RIT2: variants seen among roughly 807,000 people sequenced by gnomAD.
RIT2 encodes the protein Ras like without CAAX 2.
RIT2 carries 24 observed loss-of-function variants against 23.7 expected under a neutral mutation model. The ratio of observed to expected loss-of-function variants is 1.01; its 90% CI spans 0.73 to 1.43. The LOEUF (loss-of-function observed/expected upper bound fraction) is 1.43, where lower values mean the gene tolerates loss of function less well. RIT2 is among the 40% of genes most tolerant of loss of function. The pLI is 0.00. For missense variants in RIT2, 236 were observed against 266.9 expected (o/e 0.88, Z 0.81); for synonymous variants, 107 against 91.1 (o/e 1.17, Z -0.99).
In RIT2 at chr18:42,919,919, T is replaced by C. The variant is rs966720274; in HGVS notation, c.426+3653A>G. On this transcript the variant is annotated intron_variant, in intron 4 of 4. Transcript: ENST00000326695. The stretch of plus-strand genomic sequence containing the variant: ...GAATAGGGACAAAGACCTTGGGAGC[T>C]CAAGGACCTAATGTTGTTCAGGAAT... Among the ~76,000 whole-genome samples, 3 of 152,104 alleles carry C rather than the reference T, an allele frequency of 2.0e-5. No homozygotes were observed. In the South Asian group the frequency reaches 6.2e-4, roughly 32 times the overall value.
chr18:42,933,265 A>G (rs1255013605), intron 3 of RIT2, among the ~76,000 whole-genome samples: 1 of 152,160 alleles, frequency 6.6e-6, no homozygotes, highest in Admixed American at 6.6e-5. Context: ...ATCCTAGATA[A>G]ATCTTTTAAG....
At chr18:42,948,975 T>C in intron 3 of RIT2, 1 of 397,572 alleles carries the variant, frequency 2.5e-6, no homozygotes, top group Non-Finnish European at 4.4e-6. Context: ...CTTCATTGGT[T>C]TTTCAACTTA....
At chr18:42,882,212 G>A (rs900063719) in intron 4 of RIT2, among the ~76,000 whole-genome samples, 2 of 152,176 alleles carry the variant, frequency 1.3e-5, no homozygotes, top group Non-Finnish European at 2.9e-5. Context: ...CTGAAGCACT[G>A]AAGATATCAA....
chr18:42,858,094 T>A (rs1598686383), intron 4 of RIT2, among the ~76,000 whole-genome samples: 1 of 152,078 alleles, frequency 6.6e-6, no homozygotes, highest in Non-Finnish European at 1.5e-5. Flanking sequence ...GGCAGGAGAA[T>A]TGCTTGAACC....
chr18:42,906,881 C>CCAACCGT (rs112156040), intron 4 of RIT2, among the ~76,000 whole-genome samples: 19 of 152,124 alleles, frequency 1.2e-4, no homozygotes, highest in African/African-American at 4.3e-4. Context: ...CCTAGACTAG[C>CCAACCGT]CAACCGTCCT....
chr18:42,774,419 C>T (rs781754538), intron 4 of RIT2, among the ~76,000 whole-genome samples: 2 of 152,070 alleles, frequency 1.3e-5, no homozygotes, highest in African/African-American at 4.8e-5. Flanking sequence ...GAATAGCATA[C>T]TCTCTCACTG....
intron 1 of RIT2, among the ~76,000 whole-genome samples, chr18:43,064,502 A>C (rs1422044919): frequency 6.6e-6 from 1 of 152,168 alleles, no homozygotes; most frequent in Non-Finnish European, 1.5e-5. Flanking sequence ...AAAGAGATGC[A>C]ATTTCAGACA....
chr18:42,828,042 A>C (rs1906353391), intron 4 of RIT2, among the ~76,000 whole-genome samples: 1 of 151,824 alleles, frequency 6.6e-6, no homozygotes, highest in Admixed American at 6.6e-5. Context: ...AATGTAAAAT[A>C]AAAACCACAA....
At chr18:42,930,629 A>G (rs1276217510) in intron 3 of RIT2, among the ~76,000 whole-genome samples, 2 of 152,078 alleles carry the variant, frequency 1.3e-5, no homozygotes, top group Non-Finnish European at 2.9e-5. Context: ...AGATCAGCTG[A>G]TTGAGAAAAT....
At chr18:42,961,516 A>G (rs1355866032) in intron 3 of RIT2, among the ~76,000 whole-genome samples, 1 of 152,182 alleles carries the variant, frequency 6.6e-6, no homozygotes, top group South Asian at 2.1e-4. Context: ...ACTGGCTTTC[A>G]CTCGTAACCA....
intron 4 of RIT2, among the ~76,000 whole-genome samples, chr18:42,836,685 T>A (rs1906612482): frequency 1.3e-5 from 2 of 152,200 alleles, no homozygotes. Flanking sequence ...TGCCACCAGC[T>A]ATTTTAGCCT....
intron 1 of RIT2, among the ~76,000 whole-genome samples, chr18:43,099,352 C>T (rs1207326966): frequency 6.6e-6 from 1 of 151,890 alleles, no homozygotes; most frequent in African/African-American, 2.4e-5. Flanking sequence ...TTATTTACTC[C>T]CCTTTCATTT....
chr18:42,975,011 T>A (rs1910446945), intron 2 of RIT2, among the ~76,000 whole-genome samples: 1 of 152,026 alleles, frequency 6.6e-6, no homozygotes, highest in Non-Finnish European at 1.5e-5. Flanking sequence ...GGTAATTCTG[T>A]TTTTTTGTTA....
At chr18:42,798,150 C>T (rs915123708) in intron 4 of RIT2, among the ~76,000 whole-genome samples, 1 of 152,156 alleles carries the variant, frequency 6.6e-6, no homozygotes, top group Non-Finnish European at 1.5e-5. Flanking sequence ...AGCATATATG[C>T]GTTGAGATTG....
intron 4 of RIT2, among the ~76,000 whole-genome samples, chr18:42,893,861 A>G (rs1489731969): frequency 6.6e-6 from 1 of 152,192 alleles, no homozygotes; most frequent in Non-Finnish European, 1.5e-5. Context: ...CCCTTAGTTA[A>G]AACTCATTTT....
At chr18:43,023,537 ACATAAAAAT>A (rs1911643869) in intron 2 of RIT2, among the ~76,000 whole-genome samples, 1 of 152,070 alleles carries the variant, frequency 6.6e-6, no homozygotes, top group Admixed American at 6.6e-5. Context: ...ACATTATTTC[ACATAAAAAT>A]CATGGAAAAT....
intron 4 of RIT2, among the ~76,000 whole-genome samples, chr18:42,768,521 G>A (rs149518922): frequency 4.0e-4 from 61 of 152,190 alleles, no homozygotes; most frequent in African/African-American, 1.5e-3. Flanking sequence ...AGTTTCCAGA[G>A]CCCACTTTAA....
intron 4 of RIT2, among the ~76,000 whole-genome samples, chr18:42,903,160 T>C (rs1908522070): frequency 6.6e-6 from 1 of 152,054 alleles, no homozygotes; most frequent in African/African-American, 2.4e-5. Context: ...TGGACAAATT[T>C]TCATTCACAC....
chr18:42,898,197 T>C (rs991110783), intron 4 of RIT2, among the ~76,000 whole-genome samples: 6 of 151,016 alleles, frequency 4.0e-5, no homozygotes, highest in Non-Finnish European at 8.9e-5. Flanking sequence ...AGGCCAGGAG[T>C]TCCAGGCCAG....
Sources: gnomAD v4.1 joint callset for allele counts (sites outside exome capture counted in the v4.1 genomes callset) on GRCh38, gnomAD v4.1.1 for gene constraint, MANE v1.5 for transcripts, NCBI Gene and HGNC (gene_info 2026-07-23, HGNC 2026-07-21) for gene names.